Variants in ADAMTSL1 observed in about 807,000 individuals in gnomAD.
ADAMTSL1 encodes ADAMTS like 1.
A neutral mutation model predicts 201.8 loss-of-function variants in ADAMTSL1; 126 were observed. The observed-to-expected ratio is 0.62, with a 90% CI of 0.54 to 0.72. ADAMTSL1 has a LOEUF of 0.72. Ranked by LOEUF, ADAMTSL1 falls within the 30% of genes least tolerant of loss-of-function variation. The pLI, the probability that ADAMTSL1 is intolerant of heterozygous loss-of-function variation, is 0.00. For synonymous variants in ADAMTSL1, 1,121 were observed against 903.4 expected, an observed-to-expected ratio of 1.24 and a Z score of -4.32; for missense variants, 2,679 against 2,277.8, an observed-to-expected ratio of 1.18 and a Z score of -3.59.
intron 1 of ADAMTSL1, among the ~76,000 whole-genome samples, chr9:18,012,686 G>A (rs1820100897): frequency 6.6e-6 from 1 of 152,066 alleles, no homozygotes; most frequent in South Asian, 2.1e-4. Context: ...GAAGGAGGAT[G>A]TGAGGTGTGG....
At chr9:18,708,158 AT>A (rs1183491911) in intron 14 of ADAMTSL1, among the ~76,000 whole-genome samples, 2 of 152,246 alleles carry the variant, frequency 1.3e-5, no homozygotes, top group Middle Eastern at 3.2e-3. Context: ...AAACCATGAT[AT>A]TTTGGAAACT....
rs778696904 is a variant in ADAMTSL1, at chr9:18,887,902, A to C, written c.4321A>C (p.Thr1441Pro). The change falls in exon 24 of 29, where the codon ACA becomes CCA. Residue 1441 changes from threonine (T) to proline (P), a missense_variant. Thr to Pro is a conservative substitution (Grantham distance 38). Coordinates refer to ENST00000380548, the MANE Select transcript of ADAMTSL1 (RefSeq NM_001040272.6). The part of the protein sequence containing the change: ...FHGGQPIVTA[T>P]GLTHHILAAG... ...TGGTGGTCAGCCAATTGTCACTGCC[A>C]CAGGACTGACGCATCACATCTTGGC... 1 of 1,614,014 alleles carries C rather than the reference A, an allele frequency of 6.2e-7. No individual in the cohort carries two copies. The highest frequency in any genetic ancestry group is 8.5e-7 in the Non-Finnish European group (1 of 1,179,894).
chr9:18,622,988 C>T (rs1054352309), intron 5 of ADAMTSL1, among the ~76,000 whole-genome samples: 4 of 152,172 alleles, frequency 2.6e-5, no homozygotes, highest in Non-Finnish European at 2.9e-5. Context: ...CTCCGCTTCC[C>T]GGGTTCAAGT....
intron 1 of ADAMTSL1, among the ~76,000 whole-genome samples, chr9:17,978,383 C>T (rs985693015): frequency 2.0e-5 from 3 of 151,558 alleles, no homozygotes; most frequent in African/African-American, 7.3e-5. Flanking sequence ...TCCTTTTTTG[C>T]TGTCTTCCTT....
intron 2 of ADAMTSL1, among the ~76,000 whole-genome samples, chr9:18,300,723 T>C (rs1469418247): frequency 6.6e-6 from 1 of 152,000 alleles, no homozygotes; most frequent in Admixed American, 6.6e-5. Context: ...GGAAATTTAA[T>C]ACAGGAAAAA....
At chr9:18,861,698 C>G (rs1588258283) in intron 23 of ADAMTSL1, among the ~76,000 whole-genome samples, 2 of 152,220 alleles carry the variant, frequency 1.3e-5, no homozygotes, top group East Asian at 3.9e-4. Flanking sequence ...TTTATAGGAC[C>G]TATCTATTTA....
rs553994935 is a variant in ADAMTSL1 at position 18,844,908 on chromosome 9, T to G, written c.4249+14931T>G. Among the ~76,000 whole-genome samples the G allele has an allele frequency of 4.0e-3, 603 of 152,280 alleles. 2 individuals carry two copies. Among genetic ancestry groups the G allele is most frequent in the Non-Finnish European group, 6.8e-3 (465 of 68,002 alleles). ...CTGTCGGAAAAGCGCAGTATTTGGG[T>G]GGGAGTGACCCGATTTTCCAGGTGC... On this transcript the variant is annotated intron_variant, in intron 23 of 28. Coordinates refer to ENST00000380548, the MANE Select transcript of ADAMTSL1 (RefSeq NM_001040272.6).
intron 26 of ADAMTSL1, among the ~76,000 whole-genome samples, chr9:18,898,022 CAA>C (rs34613156): frequency 0.02 from 2,877 of 141,528 alleles, 37 homozygotes; most frequent in Non-Finnish European, 0.028. Context: ...CTAAAAATAT[CAA>C]AAAAAAAAAA....
At chr9:18,630,848 A>G (rs1826720372) in intron 5 of ADAMTSL1, among the ~76,000 whole-genome samples, 1 of 152,182 alleles carries the variant, frequency 6.6e-6, no homozygotes, top group Admixed American at 6.5e-5. Flanking sequence ...TCCTTCTACG[A>G]CAATGCAGTT....
rs990347649 is a variant in ADAMTSL1 at position 18,897,248 on chromosome 9, G to A, written c.4851+4652G>A. ...CCTGGGACAGAGCCCCCGGGGGAAG[G>A]GGCAGTGAGTCTCTGCCCTTGAGTT... On this transcript the variant is annotated intron_variant, in intron 26 of 28. Transcript: ENST00000380548. Among the ~76,000 whole-genome samples the A allele has an allele frequency of 6.6e-5, 10 of 152,338 alleles. No individual in the cohort carries two copies. The South Asian group carries it at 1.9e-3, about 28-fold the overall frequency.
chr9:18,908,297 G>A, intron 28 of ADAMTSL1, 145 bp from the exon 29 acceptor site: 1 of 695,886 alleles, frequency 1.4e-6, no homozygotes, highest in East Asian at 2.8e-5. Flanking sequence ...GTCAAAGTTA[G>A]GCTGGAGAGC....
intron 21 of ADAMTSL1, among the ~76,000 whole-genome samples, chr9:18,818,344 A>G (rs951947997): frequency 1.1e-4 from 16 of 152,136 alleles, no homozygotes; most frequent in African/African-American, 3.9e-4. Context: ...TTCATCTTAG[A>G]TCTTCATCAT....
intron 19 of ADAMTSL1, among the ~76,000 whole-genome samples, chr9:18,780,586 G>A (rs756945449): frequency 6.6e-6 from 1 of 152,156 alleles, no homozygotes; most frequent in Non-Finnish European, 1.5e-5. Flanking sequence ...TCTATAAAAA[G>A]TACAAGCCTC....
chr9:18,438,518 C>T (rs1488430657), intron 2 of ADAMTSL1, among the ~76,000 whole-genome samples: 1 of 152,132 alleles, frequency 6.6e-6, no homozygotes, highest in African/African-American at 2.4e-5. Context: ...ATTTTGGAAC[C>T]AAGGCTGGCT....
At chr9:18,819,198 G>C (rs932248298) in intron 21 of ADAMTSL1, among the ~76,000 whole-genome samples, 12 of 152,320 alleles carry the variant, frequency 7.9e-5, no homozygotes, top group African/African-American at 2.6e-4. Flanking sequence ...ACTCACACCT[G>C]TAATCACAGC....
intron 14 of ADAMTSL1, 86 bp from the exon 15 acceptor site, chr9:18,721,449 TC>T: frequency 6.5e-7 from 1 of 1,549,268 alleles, no homozygotes; most frequent in Non-Finnish European, 8.7e-7. Flanking sequence ...CACAGGGACC[TC>T]CCACCAGCTG....
At chr9:18,473,553 A>G (rs1188089962), upstream of ADAMTSL1, among the ~76,000 whole-genome samples, 1 of 152,216 alleles carries the variant, frequency 6.6e-6, no homozygotes, top group Non-Finnish European at 1.5e-5. Flanking sequence ...AGGAACCTTC[A>G]GAAAATGTAT....
intron 1 of ADAMTSL1, among the ~76,000 whole-genome samples, chr9:17,963,516 G>A (rs556933272): frequency 2.0e-5 from 3 of 152,094 alleles, no homozygotes; most frequent in Admixed American, 6.6e-5. Context: ...ACAGTATTCC[G>A]TATGAAAAAC....
intron 20 of ADAMTSL1, among the ~76,000 whole-genome samples, chr9:18,811,086 G>C (rs1823481172): frequency 2.0e-5 from 3 of 149,980 alleles, no homozygotes; most frequent in Admixed American, 6.6e-5. Flanking sequence ...TAGGAAAGGG[G>C]AAGCATAGCA....
Sources: allele counts gnomAD v4.1 joint callset (sites outside exome capture counted in the v4.1 genomes callset), GRCh38; gene constraint gnomAD v4.1.1; transcripts MANE v1.5; gene names NCBI Gene and HGNC (gene_info 2026-07-23, HGNC 2026-07-21).